The following PCDH15 variants were observed in gnomAD, a reference collection of about 807,000 sequenced individuals.
PCDH15 encodes protocadherin-15.
Under a neutral mutation model 178.5 loss-of-function variants are expected in PCDH15, and 129 were observed. The ratio of observed to expected loss-of-function variants is 0.72; its 90% CI spans 0.63 to 0.84. The LOEUF is 0.84. Among genes scored for constraint, PCDH15 ranks in the 40% least tolerant of loss-of-function variants. The probability of loss-of-function intolerance (pLI) is 0.00; values close to 1 mark genes in which losing one functional copy is unlikely to be tolerated. For missense variants in PCDH15, 2,230 were observed against 2,099.9 expected (o/e 1.06, Z -1.21); for synonymous variants, 800 against 732.0 (o/e 1.09, Z -1.50).
At chr10:55,582,652 A>C (rs1278008777) in intron 2 of PCDH15, among the ~76,000 whole-genome samples, 1 of 87,190 alleles carries the variant, frequency 1.1e-5, no homozygotes, top group Non-Finnish European at 2.1e-5. Context: ...GCTATATTTG[A>C]TGAACCTAGC....
chr10:55,560,019 C>G (rs1424008592), intron 2 of PCDH15, among the ~76,000 whole-genome samples: 2 of 151,878 alleles, frequency 1.3e-5, no homozygotes, highest in Non-Finnish European at 2.9e-5. Context: ...AAGGACAAAC[C>G]ATTTTCCAAT....
At chr10:54,467,355 T>TA (rs2077588380) in intron 3 of PCDH15, among the ~76,000 whole-genome samples, 1 of 151,870 alleles carries the variant, frequency 6.6e-6, no homozygotes, top group Admixed American at 6.6e-5. Context: ...GTTGAGTTTT[T>TA]ATCTTAAAGG....
chr10:54,062,908 G>A (rs1366757479), intron 18 of PCDH15, among the ~76,000 whole-genome samples: 5 of 152,098 alleles, frequency 3.3e-5, no homozygotes, highest in African/African-American at 4.8e-5. Flanking sequence ...AAGAAAATGG[G>A]AAAGATCATT....
chr10:53,996,332 C>G lies in PCDH15; in HGVS notation c.2752-567G>C, dbSNP rs558684478. On this transcript the variant is annotated intron_variant, in intron 20 of 37. Transcript: ENST00000644397. ...ACTTAAGATTAGATATATTTATACACAGAAAACAATGTTAATTTACTGAAT... is the reference window on the plus strand; with the variant it reads ...ACTTAAGATTAGATATATTTATACAGAGAAAACAATGTTAATTTACTGAAT... 2.0e-5 allele frequency among the ~76,000 whole-genome samples: 3 copies of G among 152,218 alleles called. No homozygotes were observed. The East Asian group carries it at 5.8e-4, about 29-fold the overall frequency.
intron 25 of PCDH15, among the ~76,000 whole-genome samples, chr10:53,929,709 A>G (rs548381583): frequency 1.3e-5 from 2 of 152,302 alleles, no homozygotes; most frequent in African/African-American, 4.8e-5. Flanking sequence ...AAAACATAAA[A>G]TGAAATCAAT....
At chr10:53,807,939 T>C (rs1042938997) in intron 37 of PCDH15, 1 of 152,264 alleles carries the variant, frequency 6.6e-6, no homozygotes, top group East Asian at 1.9e-4. Flanking sequence ...TTTCTCAAAA[T>C]AGTATCGCAT....
chr10:53,959,075 AC>A (rs1236785187), intron 23 of PCDH15, among the ~76,000 whole-genome samples: 1 of 149,834 alleles, frequency 6.7e-6, no homozygotes, highest in East Asian at 1.9e-4. Flanking sequence ...GTTGACTAAA[AC>A]AGTATATATA....
At chr10:54,944,271 T>G (rs1157255614) in intron 2 of PCDH15, among the ~76,000 whole-genome samples, 1 of 152,010 alleles carries the variant, frequency 6.6e-6, no homozygotes, top group Non-Finnish European at 1.5e-5. Flanking sequence ...CCCCACAGCC[T>G]GCATCTGACA....
intron 1 of PCDH15, among the ~76,000 whole-genome samples, chr10:54,734,617 C>T (rs1943839342): frequency 6.6e-6 from 1 of 151,898 alleles, no homozygotes; most frequent in African/African-American, 2.4e-5. Flanking sequence ...CTATATTGCC[C>T]TTATTCATAA....
At chr10:54,085,420 T>C (rs1217008529) in intron 16 of PCDH15, among the ~76,000 whole-genome samples, 3 of 152,146 alleles carry the variant, frequency 2.0e-5, no homozygotes, top group Non-Finnish European at 4.4e-5. Context: ...AGAGATGGCA[T>C]TTCCTCAACC....
chr10:53,915,324 T>C (rs2083443345), intron 25 of PCDH15, among the ~76,000 whole-genome samples: 1 of 152,200 alleles, frequency 6.6e-6, no homozygotes, highest in Non-Finnish European at 1.5e-5. Context: ...GCAGAGATTA[T>C]ATTTAGCTAT....
chr10:55,038,534 G>T (rs1045089252), intron 2 of PCDH15, among the ~76,000 whole-genome samples: 3 of 152,156 alleles, frequency 2.0e-5, no homozygotes, highest in African/African-American at 7.2e-5. Context: ...CATTCAAAAA[G>T]CAGAATTTAA....
Position 54,023,030 on chromosome 10 carries a change from T to A in PCDH15, c.2388A>T (p.Val796=). 6.2e-7 allele frequency: 1 copy of A among 1,614,018 alleles called. No individual in the cohort carries two copies. The highest frequency in any genetic ancestry group is 1.1e-5 in the South Asian group (1 of 91,084). Residue 796 remains valine, a synonymous_variant, in exon 19 of 38, where the codon GTA becomes GTT. Coordinates refer to ENST00000644397, the MANE Select transcript of PCDH15 (RefSeq NM_001384140.1). ...ELVVVATDGA[V]HPRHSTLTLA... ...AGGTTAGAGTTGAATGACGAGGGTG[T>A]ACTGCTCCATCTGTTGCCACAACAA...
At chr10:54,442,641 A>G (rs540973182) in intron 3 of PCDH15, among the ~76,000 whole-genome samples, 2 of 150,410 alleles carry the variant, frequency 1.3e-5, no homozygotes, top group Non-Finnish European at 3.0e-5. Flanking sequence ...ATTTTAAGAA[A>G]AGAAATATTT....
chr10:55,268,589 G>A (rs1842360107), intron 1 of PCDH15, among the ~76,000 whole-genome samples: 1 of 152,008 alleles, frequency 6.6e-6, no homozygotes, highest in African/African-American at 2.4e-5. Flanking sequence ...TACAGTTCTT[G>A]AACATTTTAT....
chr10:54,925,850 C>T (rs1342474364), intron 2 of PCDH15, among the ~76,000 whole-genome samples: 1 of 151,976 alleles, frequency 6.6e-6, no homozygotes, highest in Non-Finnish European at 1.5e-5. Context: ...TGAGCTGAGA[C>T]TATGCTATGG....
chr10:54,076,668 T>G (rs113690626), intron 17 of PCDH15, among the ~76,000 whole-genome samples: 16 of 152,232 alleles, frequency 1.1e-4, no homozygotes, highest in African/African-American at 3.8e-4. Flanking sequence ...ATACAGATTT[T>G]TCAACAATCA....
intron 2 of PCDH15, among the ~76,000 whole-genome samples, chr10:55,607,878 C>T (rs1019679622): frequency 1.3e-5 from 2 of 150,992 alleles, no homozygotes; most frequent in African/African-American, 4.9e-5. Context: ...TGCACATGTA[C>T]CCTAAAACTT....
intron 2 of PCDH15, among the ~76,000 whole-genome samples, chr10:55,096,078 A>T (rs1396144453): frequency 6.6e-6 from 1 of 152,098 alleles, no homozygotes; most frequent in Non-Finnish European, 1.5e-5. Flanking sequence ...TGATTATTTG[A>T]TTGGAAACAA....
Sources: gnomAD v4.1 joint callset for allele counts (sites outside exome capture counted in the v4.1 genomes callset) on GRCh38, gnomAD v4.1.1 for gene constraint, MANE v1.5 for transcripts, NCBI Gene and HGNC (gene_info 2026-07-23, HGNC 2026-07-21) for gene names.